Variants in AEN observed in about 807,000 individuals in gnomAD.
AEN encodes apoptosis enhancing nuclease.
A neutral mutation model predicts 17.7 loss-of-function variants in AEN; 21 were observed. That is an observed-to-expected ratio of 1.19 (90% CI 0.84 to 1.71). The LOEUF is 1.71. Among genes scored for constraint, AEN ranks in the 40% most tolerant of loss-of-function variants. The probability of loss-of-function intolerance (pLI) is 0.00; values close to 1 mark genes in which losing one functional copy is unlikely to be tolerated. For synonymous variants in AEN, 190 were observed against 173.0 expected (o/e 1.10, Z -0.77); for missense variants, 462 against 435.9 (o/e 1.06, Z -0.53).
the AEN span, among the ~76,000 whole-genome samples, chr15:88,614,249 G>A: frequency 2.6e-5 from 4 of 152,062 alleles, no homozygotes; most frequent in Admixed American, 2.6e-4. Flanking sequence ...ACCCAGTCTA[G>A]AGTGCAGTGG....
the AEN span, among the ~76,000 whole-genome samples, chr15:88,607,206 T>C: frequency 6.6e-6 from 1 of 152,220 alleles, no homozygotes; most frequent in South Asian, 2.1e-4. Flanking sequence ...GACACTAGCA[T>C]CACTCTCATT....
chr15:88,606,405 C>T, the AEN span, among the ~76,000 whole-genome samples: 1 of 152,098 alleles, frequency 6.6e-6, no homozygotes, highest in South Asian at 2.1e-4. Context: ...CATCAAGGTA[C>T]GCGTTTTTTT....
intron 1 of AEN, among the ~76,000 whole-genome samples, chr15:88,623,865 G>A (rs1222803980): frequency 6.6e-6 from 1 of 152,210 alleles, no homozygotes; most frequent in South Asian, 2.1e-4. Flanking sequence ...GCGAGGAGCA[G>A]TGCCTCCAGC....
chr15:88,607,842 ATTAAAATGCTT>A, the AEN span, among the ~76,000 whole-genome samples: 18 of 152,170 alleles, frequency 1.2e-4, no homozygotes, highest in African/African-American at 3.4e-4. Flanking sequence ...GGGTATTTAC[ATTAAAATGCTT>A]TTAAAATGCT....
In AEN at chr15:88,630,999, G is replaced by A. The variant is rs562368176; in HGVS notation, c.*705G>A. ...GGGAGTTGGCTCCTTAACATTTCTTGGCAACAGAAAGCCCCAGGCACAGCT... is the reference window on the plus strand; with the variant it reads ...GGGAGTTGGCTCCTTAACATTTCTTAGCAACAGAAAGCCCCAGGCACAGCT... On this transcript the variant is annotated 3_prime_UTR_variant, in exon 4 of 4. Coordinates refer to ENST00000332810, the MANE Select transcript of AEN (RefSeq NM_022767.4). The surrounding 1 kb of genome is among the most constrained non-coding windows in gnomAD (Gnocchi z 5.1). The A allele has an allele frequency of 3.6e-4, 143 of 398,070 alleles. 2 individuals carry two copies. Among genetic ancestry groups the A allele is most frequent in the South Asian group, 2.4e-3 (139 of 57,942 alleles). 24.7% of individuals were successfully genotyped at this position (398,070 alleles called of 1,614,324 possible). A position where few individuals can be genotyped will look rare whatever the true frequency, so the allele number is the denominator to read the frequency against.
chr15:88,630,163 A>T lies in AEN; in HGVS notation c.847A>T (p.Thr283Ser). Residue 283 changes from threonine (T) to serine (S), a missense_variant, in exon 4 of 4, where the codon ACC becomes TCC. By Grantham distance (58) the Thr-to-Ser change is moderately conservative. Coordinates refer to ENST00000332810, the MANE Select transcript of AEN (RefSeq NM_022767.4). The surrounding 1 kb of genome is among the most constrained non-coding windows in gnomAD (Gnocchi z 5.1). ...ACAGCAGGAGGCCCGCAGCCTCTGG[A>T]CCTGCCCCGAGGACAGAGAACCTGA... Reference protein sequence around the residue: ...WEQQEARSLWTCPEDREPDSS... With the variant: ...WEQQEARSLWSCPEDREPDSS... The T allele has an allele frequency of 6.2e-7, 1 of 1,613,758 alleles. No homozygotes were observed. The highest frequency in any genetic ancestry group is 2.2e-5 in the East Asian group (1 of 44,864).
chr15:88,607,187 T>C, the AEN span, among the ~76,000 whole-genome samples: 555 of 152,336 alleles, frequency 3.6e-3, 2 homozygotes, highest in Middle Eastern at 0.014. Context: ...GTGTCTCCCT[T>C]AGCAGATGGA....
chr15:88,618,487 T>C (rs1461765453), upstream of AEN, among the ~76,000 whole-genome samples: 2 of 152,246 alleles, frequency 1.3e-5, no homozygotes, highest in African/African-American at 4.8e-5. Context: ...AATACATGCA[T>C]AGCATTTCAT....
In AEN at chr15:88,630,156, C is replaced by T; in HGVS notation, c.840C>T (p.Ser280=). The T allele has an allele frequency of 6.2e-7, 1 of 1,613,928 alleles. No individual in the cohort carries two copies. The highest frequency in any genetic ancestry group is 8.5e-7 in the Non-Finnish European group (1 of 1,179,984). Residue 280 remains serine (S), a synonymous_variant, in exon 4 of 4, where the codon AGC becomes AGT. Transcript: ENST00000332810. The surrounding 1 kb of genome is among the most constrained non-coding windows in gnomAD (Gnocchi z 5.1). ...EVQWEQQEAR[S]LWTCPEDREP... is the part of the protein sequence containing the mutation. ...AGTGGGAACAGCAGGAGGCCCGCAG[C>T]CTCTGGACCTGCCCCGAGGACAGAG... is the stretch of plus-strand genomic sequence containing the variant.
chr15:88,624,193 A>G (rs777438264), intron 1 of AEN, among the ~76,000 whole-genome samples: 1 of 152,172 alleles, frequency 6.6e-6, no homozygotes, highest in Non-Finnish European at 1.5e-5. Context: ...GCCGCCCAGC[A>G]TCTGGCACAG....
Position 88,630,514 on chromosome 15 carries a change from G to A in AEN, c.*220G>A. On this transcript the variant is annotated 3_prime_UTR_variant, in exon 4 of 4. Coordinates refer to ENST00000332810, the MANE Select transcript of AEN (RefSeq NM_022767.4). The surrounding 1 kb of genome is among the most constrained non-coding windows in gnomAD (Gnocchi z 5.1). ...TTGGTTCTTTCTTCTGACTCCTGTGGTTTTGCTAATGGCACTTTACAGACT... is the reference window on the plus strand; with the variant it reads ...TTGGTTCTTTCTTCTGACTCCTGTGATTTTGCTAATGGCACTTTACAGACT... The A allele has an allele frequency of 1.8e-6, 1 of 563,310 alleles. No homozygotes were observed. Among genetic ancestry groups the A allele is most frequent in the Non-Finnish European group, 3.2e-6 (1 of 313,816 alleles). 34.9% of individuals were successfully genotyped at this position (563,310 alleles called of 1,614,324 possible).
At chr15:88,629,040 C>T in intron 2 of AEN, 186 bp from the exon 3 acceptor site, 1 of 617,590 alleles carries the variant, frequency 1.6e-6, no homozygotes, top group South Asian at 1.9e-5. Context: ...TGGGTATAGA[C>T]AGTAGAAGGG....
upstream of AEN, among the ~76,000 whole-genome samples, chr15:88,616,397 G>C (rs2057738870): frequency 6.6e-6 from 1 of 152,132 alleles, no homozygotes; most frequent in African/African-American, 2.4e-5. Context: ...TGGCCTAGGA[G>C]GGAATATTTT....
At chr15:88,618,997 A>G (rs1349086251), upstream of AEN, among the ~76,000 whole-genome samples, 2 of 152,094 alleles carry the variant, frequency 1.3e-5, no homozygotes, top group Admixed American at 1.3e-4. Context: ...GGATCTTGCT[A>G]TGTTGCCCAT....
chr15:88,612,741 C>T, the AEN span, among the ~76,000 whole-genome samples: 3 of 152,046 alleles, frequency 2.0e-5, no homozygotes, highest in South Asian at 6.2e-4. Context: ...GCTGGGATTA[C>T]AGGTGAATGC....
the AEN span, among the ~76,000 whole-genome samples, chr15:88,613,051 C>T: frequency 6.6e-6 from 1 of 152,188 alleles, no homozygotes; most frequent in South Asian, 2.1e-4. Flanking sequence ...TCCCACCCTC[C>T]TCCATCCATA....
chr15:88,610,956 G>A, the AEN span, among the ~76,000 whole-genome samples: 1 of 152,272 alleles, frequency 6.6e-6, no homozygotes, highest in Admixed American at 6.5e-5. Context: ...AATTAACCAG[G>A]GAGCCCAGCG....
upstream of AEN, among the ~76,000 whole-genome samples, chr15:88,616,796 G>A (rs755775211): frequency 9.9e-5 from 15 of 152,192 alleles, no homozygotes; most frequent in Admixed American, 3.9e-4. Context: ...AATAAATTAT[G>A]TGACATGTTC....
chr15:88,606,791 GGC>G, the AEN span, among the ~76,000 whole-genome samples: 6 of 152,154 alleles, frequency 3.9e-5, no homozygotes, highest in African/African-American at 1.4e-4. Flanking sequence ...TTTAAGTAAA[GGC>G]GCATAGCAGA....
Sources: gnomAD v4.1 joint callset for allele counts (sites outside exome capture counted in the v4.1 genomes callset) on GRCh38, gnomAD v4.1.1 for gene constraint, Gnocchi (gnomAD v3.1) non-coding constraint, MANE v1.5 for transcripts, NCBI Gene and HGNC (gene_info 2026-07-23, HGNC 2026-07-21) for gene names.